The following MARF1 variants were observed in gnomAD, a reference collection of about 807,000 sequenced individuals.
MARF1 encodes the protein limkain-b1.
In MARF1, 24 loss-of-function variants were observed where a neutral mutation model predicts 168.2. The observed-to-expected ratio is 0.14, with a 90% CI of 0.10 to 0.20. MARF1 has a LOEUF of 0.20. MARF1 is among the 10% of genes least tolerant of loss of function. The pLI is 1.00. For synonymous variants in MARF1, 868 were observed against 822.4 expected, an observed-to-expected ratio of 1.06 and a Z score of -0.95; for missense variants, 1,744 against 2,143.6, an observed-to-expected ratio of 0.81 and a Z score of 3.68.
chr16:15,621,557 G>A (rs1596476387), intron 12 of MARF1, 176 bp downstream of exon 12: 1 of 644,630 alleles, frequency 1.6e-6, no homozygotes, highest in African/African-American at 1.9e-5. Context: ...TTTGATTAAT[G>A]ACTTAGACAA....
At position 15,596,471 on chromosome 16, in the gene MARF1, T is replaced by C; in HGVS notation, c.*222A>G. 1 of 396,154 alleles carries C rather than the reference T, an allele frequency of 2.5e-6. No homozygotes were observed. The highest frequency in any genetic ancestry group is 4.4e-6 in the Non-Finnish European group (1 of 228,424). 24.5% of individuals were successfully genotyped at this position (396,154 alleles called of 1,614,324 possible). ...ATTCTTTAACAAATGCCACAAGTTC[T>C]TCAAATAATTGAAAAAAGAAAGAAA... On this transcript the variant is annotated 3_prime_UTR_variant, in exon 27 of 27. Transcript: ENST00000396368.
chr16:15,608,279 A>G lies in MARF1; in HGVS notation c.4182+12T>C. On this transcript the variant is annotated intron_variant, in intron 21 of 26. Transcript: ENST00000396368. ...ATGAGGGAAAAAAAAAAAAAAAAAA[A>G]AAAACATTTACCTTCACGACATGGC... 6.7e-7 allele frequency: 1 copy of G among 1,494,774 alleles called. No homozygotes were observed. Among genetic ancestry groups the G allele is most frequent in the South Asian group, 1.3e-5 (1 of 79,766 alleles). 92.6% of individuals were successfully genotyped at this position (1,494,774 alleles called of 1,614,324 possible). A position where few individuals can be genotyped will look rare whatever the true frequency, so the allele number is the denominator to read the frequency against.
At position 15,611,717 on chromosome 16, in the gene MARF1, G is replaced by C. The variant is rs756011943; in HGVS notation, c.3492C>G (p.Ser1164=). 13 of 1,613,760 alleles carry C rather than the reference G, an allele frequency of 8.1e-6. No individual in the cohort carries two copies. The highest frequency in any genetic ancestry group is 1.1e-5 in the Non-Finnish European group (13 of 1,179,902). Residue 1164 remains serine (S), a synonymous_variant, in exon 18 of 27, where the codon TCC becomes TCG. Coordinates refer to ENST00000396368, the MANE Select transcript of MARF1 (RefSeq NM_014647.4). The part of the protein sequence containing the change: ...PHVLQILGMG[S]KRLLTLTHRA... ...TGTGGGTAAGGGTCAGCAGACGTTT[G>C]GAGCCCATTCCAAGAATCTGCAAAG...
chr16:15,600,795 A>C lies in MARF1; in HGVS notation c.4627-94T>G. The stretch of plus-strand genomic sequence containing the variant: ...GAGTGTGACCTACGGAGCCTGCCTT[A>C]GGCTAGAATTTAGGAGCTGAGTTAC... On this transcript the variant is annotated intron_variant, in intron 23 of 26. Coordinates refer to ENST00000396368, the MANE Select transcript of MARF1 (RefSeq NM_014647.4). 2.2e-6 allele frequency: 3 copies of C among 1,335,142 alleles called. No individual in the cohort carries two copies. In the East Asian group the frequency reaches 6.9e-5, roughly 31 times the overall value. 82.7% of individuals were successfully genotyped at this position (1,335,142 alleles called of 1,614,324 possible). A position where few individuals can be genotyped will look rare whatever the true frequency, so the allele number is the denominator to read the frequency against.
rs757161148 is a variant in MARF1 at position 15,630,495 on chromosome 16, T to C, written c.1361A>G (p.Asn454Ser). 15 of 1,612,342 alleles carry C rather than the reference T, an allele frequency of 9.3e-6. No homozygotes were observed. The highest frequency in any genetic ancestry group is 1.1e-5 in the South Asian group (1 of 90,880). ...ATVVLVSTDV[N>S]FALELSDLRH... Reference sequence around the variant, plus strand: ...CAGGTCACTAAGTTCCAATGCAAAATTGACATCAGCTGAAAGAAAAGGTAC... The same window carrying C: ...CAGGTCACTAAGTTCCAATGCAAAACTGACATCAGCTGAAAGAAAAGGTAC... Residue 454 changes from asparagine (N) to serine (S), a missense_variant, in exon 7 of 27, where the codon AAT (asparagine) becomes AGT (serine). Asn to Ser is a conservative substitution (Grantham distance 46, BLOSUM62 1). This residue lies in a region of MARF1 where 217 missense variants were observed against 372.4 expected (regional missense o/e 0.58). Coordinates refer to ENST00000396368, the MANE Select transcript of MARF1 (RefSeq NM_014647.4).
intron 11 of MARF1, 80 bp from the exon 12 acceptor site, chr16:15,621,991 G>A (rs2034494943): frequency 7.4e-7 from 1 of 1,342,802 alleles, no homozygotes; most frequent in Non-Finnish European, 1.0e-6. Flanking sequence ...AACCATGAAG[G>A]AACACATTTG....
intron 1 of MARF1, chr16:15,642,504 G>A (rs896398989): frequency 1.3e-5 from 2 of 152,204 alleles, no homozygotes; most frequent in Admixed American, 6.6e-5. Flanking sequence ...GACAGCTCTT[G>A]GTAATACCGG....
chr16:15,633,112 C>T (rs1303755554), intron 5 of MARF1, among the ~76,000 whole-genome samples: 1 of 150,206 alleles, frequency 6.7e-6, no homozygotes, highest in East Asian at 2.0e-4. Flanking sequence ...TATTTGAAAA[C>T]TTGGCACAAA....
rs1319539295 is a variant in MARF1, at chr16:15,599,065, C to G, written c.4814-41G>C. On this transcript the variant is annotated intron_variant, in intron 25 of 26. Coordinates refer to ENST00000396368, the MANE Select transcript of MARF1 (RefSeq NM_014647.4). ...GGGCCGTGACACCACAGGACCTCCACGCCCACCCCCAGCACACACCCTGGG... is the reference window on the plus strand; with the variant it reads ...GGGCCGTGACACCACAGGACCTCCAGGCCCACCCCCAGCACACACCCTGGG... 3.1e-6 allele frequency: 5 copies of G among 1,587,482 alleles called. 1 individual carries two copies.
In MARF1 at chr16:15,602,150, CAAAT is replaced by C; in HGVS notation, c.4463_4466del (p.Tyr1488CysfsTer58). 6.2e-7 allele frequency: 1 copy of C among 1,614,210 alleles called. No homozygotes were observed. Among genetic ancestry groups the C allele is most frequent in the Non-Finnish European group, 8.5e-7 (1 of 1,180,034 alleles). On this transcript the variant is annotated frameshift_variant, in exon 23 of 27. Transcript: ENST00000396368. LOFTEE classifies it high-confidence loss of function. ...GTAAAGACCGCACATTCTTTGCAAA[CAAAT>C]ACAGACTTGTGAGCTTCACACATTC... is the stretch of plus-strand genomic sequence containing the variant.
chr16:15,604,861 G>A (rs926502365), intron 21 of MARF1, among the ~76,000 whole-genome samples: 6 of 152,070 alleles, frequency 3.9e-5, no homozygotes, highest in South Asian at 2.1e-4. Flanking sequence ...TCCCCAGGGC[G>A]GGCTGGGGAG....
chr16:15,639,487 G>A (rs543387212), intron 1 of MARF1, among the ~76,000 whole-genome samples, 196 bp from the exon 2 acceptor site: 34 of 152,226 alleles, frequency 2.2e-4, no homozygotes, highest in Middle Eastern at 3.4e-3. Flanking sequence ...TGCAACCTCC[G>A]TCTCCCGGGT....
Position 15,596,762 on chromosome 16 carries a change from G to A in MARF1, c.5160C>T (p.Ala1720=), listed in dbSNP as rs1407587614. 1 of 1,612,174 alleles carries A rather than the reference G, an allele frequency of 6.2e-7. No individual in the cohort carries two copies. The highest frequency in any genetic ancestry group is 1.1e-5 in the South Asian group (1 of 90,932). Residue 1720 remains alanine, a synonymous_variant, in exon 27 of 27, where the codon GCC becomes GCT. Coordinates refer to ENST00000396368, the MANE Select transcript of MARF1 (RefSeq NM_014647.4). ...TGACTCTATTTTTGGGTTGCTTTTT[G>A]GCCGGGCTTTCCACGGGGTCCTTGC... The part of the protein sequence containing the change: ...LLSKDPVESP[A]KKQPKNRVKL...
At position 15,596,723 on chromosome 16, in the gene MARF1, G is replaced by C; in HGVS notation, c.5199C>G (p.Asn1733Lys). The C allele has an allele frequency of 6.2e-7, 1 of 1,606,760 alleles. No individual in the cohort carries two copies. Among genetic ancestry groups the C allele is most frequent in the Non-Finnish European group, 8.5e-7 (1 of 1,173,986 alleles). The change falls in exon 27 of 27, where the codon AAC (asparagine) becomes AAG (lysine). Residue 1733 changes from asparagine to lysine, a missense_variant. This residue lies in a region of MARF1 where 313 missense variants were observed against 337.4 expected (regional missense o/e 0.93). Coordinates refer to ENST00000396368, the MANE Select transcript of MARF1 (RefSeq NM_014647.4). Reference protein sequence around the residue: ...QPKNRVKLAANFSLAPITKL With the variant: ...QPKNRVKLAAKFSLAPITKL ...GCTTGGTTATAGGTGCTAAGGAAAA[G>C]TTGGCTGCCAATTTGACTCTATTTT...
intron 11 of MARF1, among the ~76,000 whole-genome samples, chr16:15,622,704 T>C (rs989859479): frequency 2.6e-5 from 4 of 152,244 alleles, no homozygotes; most frequent in Admixed American, 2.0e-4. Flanking sequence ...TTTCAATTTC[T>C]GCCTAAGACA....
rs573675100 is a variant in MARF1, at chr16:15,625,352, G to A, written c.1953+20C>T. The A allele has an allele frequency of 1.3e-6, 2 of 1,586,732 alleles. No homozygotes were observed. The highest frequency in any genetic ancestry group is 1.2e-5 in the South Asian group (1 of 86,870). On this transcript the variant is annotated intron_variant, in intron 8 of 26. Transcript: ENST00000396368. ...CCAAACCTACCATAAACTTCAGAAA[G>A]CAAGAGGTATCAAAATTACCTGTAA...
intron 18 of MARF1, 78 bp downstream of exon 18, chr16:15,611,514 G>A: frequency 9.8e-6 from 11 of 1,123,992 alleles, no homozygotes; most frequent in Middle Eastern, 2.6e-4. Flanking sequence ...AGAAATACTA[G>A]ATAACTATTT....
At position 15,600,421 on chromosome 16, in the gene MARF1, C is replaced by T; in HGVS notation, c.4813+7G>A. The stretch of plus-strand genomic sequence containing the variant: ...AAGCTCCTATGTCTCTGCTTTTCCT[C>T]TCTTACCACTGCCGTCAGCTCCAAG... On this transcript the variant is annotated splice_region_variant and intron_variant, in intron 25 of 26. Coordinates refer to ENST00000396368, the MANE Select transcript of MARF1 (RefSeq NM_014647.4). 6.2e-7 allele frequency: 1 copy of T among 1,614,166 alleles called. No individual in the cohort carries two copies. Among genetic ancestry groups the T allele is most frequent in the East Asian group, 2.2e-5 (1 of 44,882 alleles).
At chr16:15,627,723 A>G (rs2034969812) in intron 7 of MARF1, among the ~76,000 whole-genome samples, 1 of 152,236 alleles carries the variant, frequency 6.6e-6, no homozygotes. Flanking sequence ...AAGAGAAATC[A>G]CTAACAACAG....
Sources: allele counts gnomAD v4.1 joint callset (sites outside exome capture counted in the v4.1 genomes callset), GRCh38; gene constraint gnomAD v4.1.1; regional missense constraint gnomAD v4.1.1; transcripts MANE v1.5; gene names NCBI Gene and HGNC (gene_info 2026-07-23, HGNC 2026-07-21).